RAC1: variants seen among roughly 807,000 people sequenced by gnomAD.
RAC1 encodes ras-related C3 botulinum toxin substrate 1.
Under a neutral mutation model 25.2 loss-of-function variants are expected in RAC1, and 2 were observed. The observed-to-expected ratio is 0.08, with a 90% confidence interval of 0.03 to 0.25. The LOEUF (loss-of-function observed/expected upper bound fraction) is 0.25. Among genes scored for constraint, RAC1 ranks in the 10% least tolerant of loss-of-function variants. The pLI is 1.00. For synonymous variants in RAC1, 88 were observed against 94.0 expected, an observed-to-expected ratio of 0.94 and a Z score of 0.37; for missense variants, 50 against 235.7, an observed-to-expected ratio of 0.21 and a Z score of 5.16.
intron 2 of RAC1, among the ~76,000 whole-genome samples, 170 bp from the exon 3 acceptor site, chr7:6,391,754 C>T (rs1012096456): frequency 1.2e-4 from 18 of 152,052 alleles, no homozygotes; most frequent in South Asian, 8.3e-4. Flanking sequence ...GTTTGTTTCC[C>T]GCAAGTTTTG....
At position 6,399,036 on chromosome 7, in the gene RAC1, G is replaced by T. The variant is rs144371745; in HGVS notation, c.226-1090G>T. 2.4e-4 allele frequency among the ~76,000 whole-genome samples: 37 copies of T among 152,286 alleles called. No homozygotes were observed. In the East Asian group the frequency reaches 6.4e-3, roughly 26 times the overall value. On this transcript the variant is annotated intron_variant, in intron 3 of 5. Coordinates refer to ENST00000348035, the MANE Select transcript of RAC1 (RefSeq NM_006908.5). ...CCGGAAGCCCACCTGGCTGTGAGCCGAGCCGGAGCAGGACTAACCTTGTTG... is the reference window on the plus strand; with the variant it reads ...CCGGAAGCCCACCTGGCTGTGAGCCTAGCCGGAGCAGGACTAACCTTGTTG...
In RAC1 at chr7:6,403,331, T is replaced by C. The variant is rs1783474272; in HGVS notation, c.*885T>C. 4.8e-6 allele frequency: 1 copy of C among 209,080 alleles called. No individual in the cohort carries two copies. The highest frequency in any genetic ancestry group is 9.7e-6 in the Non-Finnish European group (1 of 102,692). 13.0% of individuals were successfully genotyped at this position (209,080 alleles called of 1,614,324 possible). A position where few individuals can be genotyped will look rare whatever the true frequency, so the allele number is the denominator to read the frequency against. Reference sequence around the variant, plus strand: ...TTAAGCTTTTCCTTTCTCTTACACCTGCCATGCCTCCCCAAATTGGGCATT... The same window carrying C: ...TTAAGCTTTTCCTTTCTCTTACACCCGCCATGCCTCCCCAAATTGGGCATT... On this transcript the variant is annotated 3_prime_UTR_variant, in exon 6 of 6. Coordinates refer to ENST00000348035, the MANE Select transcript of RAC1 (RefSeq NM_006908.5).
chr7:6,400,998 C>A (rs1188538547), intron 4 of RAC1, among the ~76,000 whole-genome samples: 2 of 152,112 alleles, frequency 1.3e-5, no homozygotes, highest in Non-Finnish European at 2.9e-5. Context: ...GCACTGTCAT[C>A]CAAGCTGGAG....
At chr7:6,392,863 C>T (rs989498485) in intron 3 of RAC1, among the ~76,000 whole-genome samples, 1 of 152,232 alleles carries the variant, frequency 6.6e-6, no homozygotes, top group Non-Finnish European at 1.5e-5. Context: ...GCTTCATCCT[C>T]TCTCCAGTCT....
chr7:6,388,203 T>A (rs1782977433), intron 2 of RAC1, among the ~76,000 whole-genome samples: 1 of 152,080 alleles, frequency 6.6e-6, no homozygotes. Flanking sequence ...TGCACCATCC[T>A]GCAGCTGCTG....
chr7:6,398,551 C>G lies in RAC1; in HGVS notation c.226-1575C>G, dbSNP rs185272508. 2.2e-4 allele frequency: 186 copies of G among 856,298 alleles called. No homozygotes were observed. In the East Asian group the frequency reaches 4.9e-3, roughly 22 times the overall value. 53.0% of individuals were successfully genotyped at this position (856,298 alleles called of 1,614,324 possible). A position where few individuals can be genotyped will look rare whatever the true frequency, so the allele number is the denominator to read the frequency against. The stretch of plus-strand genomic sequence containing the variant: ...TAGAATCTATTGTATGCTTTTGGAT[C>G]TCTCCGGAGGGTTAAGACAAAATTC... On this transcript the variant is annotated intron_variant, in intron 3 of 5. Transcript: ENST00000348035.
intron 3 of RAC1, among the ~76,000 whole-genome samples, 199 bp downstream of exon 3, chr7:6,392,240 C>G (rs1783109741): frequency 6.6e-6 from 1 of 152,176 alleles, no homozygotes; most frequent in Non-Finnish European, 1.5e-5. Flanking sequence ...GCGTTACCAG[C>G]TGTTCCATTG....
intron 4 of RAC1, among the ~76,000 whole-genome samples, chr7:6,401,421 T>C (rs1210587712): frequency 6.6e-6 from 1 of 152,218 alleles, no homozygotes; most frequent in African/African-American, 2.4e-5. Flanking sequence ...GGCCCTTCAG[T>C]AGGGGCATTT....
intron 3 of RAC1, among the ~76,000 whole-genome samples, chr7:6,395,127 T>C (rs762711042): frequency 1.3e-5 from 2 of 152,130 alleles, no homozygotes; most frequent in African/African-American, 2.4e-5. Context: ...GTGCTGGGAT[T>C]ACAAATTTTG....
chr7:6,380,403 T>A (rs1053759273), intron 1 of RAC1, among the ~76,000 whole-genome samples: 3 of 152,172 alleles, frequency 2.0e-5, no homozygotes, highest in African/African-American at 7.2e-5. Context: ...TGTGTTTTAA[T>A]TTCAAATGAT....
rs33968872 is a variant in RAC1, at chr7:6,401,604, C to CG, written c.289-264_289-263insG. The CG allele has an allele frequency of 2.0e-4, 56 of 276,356 alleles. No homozygotes were observed. The East Asian group carries it at 2.7e-3, about 13-fold the overall frequency. 17.1% of individuals were successfully genotyped at this position (276,356 alleles called of 1,614,324 possible). ...CCTTTTGTTTCTCTTCCCTTCCCCC[C>CG]TTCCCCTGCGGTTGTAGAGCCCGTT... is the stretch of plus-strand genomic sequence containing the variant. On this transcript the variant is annotated intron_variant, in intron 4 of 5. Transcript: ENST00000348035.
At chr7:6,392,456 T>G (rs1262606697) in intron 3 of RAC1, among the ~76,000 whole-genome samples, 2 of 152,326 alleles carry the variant, frequency 1.3e-5, no homozygotes, top group African/African-American at 4.8e-5. Flanking sequence ...TTAATACATT[T>G]TTTCCCACAA....
chr7:6,397,036 CAAAAAA>C (rs151105670), intron 3 of RAC1, among the ~76,000 whole-genome samples: 10 of 80,216 alleles, frequency 1.2e-4, no homozygotes, highest in South Asian at 5.0e-4. Context: ...CTCTCAAAAA[CAAAAAA>C]AAAAAAAAAA....
chr7:6,384,486 T>A (rs886652123), intron 1 of RAC1, among the ~76,000 whole-genome samples: 7 of 152,178 alleles, frequency 4.6e-5, no homozygotes, highest in African/African-American at 7.2e-5. Context: ...CCCACTTATT[T>A]TTTTATTGTT....
At chr7:6,378,852 C>T (rs181682657) in intron 1 of RAC1, among the ~76,000 whole-genome samples, 31 of 152,224 alleles carry the variant, frequency 2.0e-4, no homozygotes, top group African/African-American at 7.2e-4. Flanking sequence ...CTTTGGGAGG[C>T]CAAGGCAGGC....
At chr7:6,400,248 C>A in intron 4 of RAC1, 60 bp downstream of exon 4, 1 of 1,437,692 alleles carries the variant, frequency 7.0e-7, no homozygotes, top group East Asian at 2.3e-5. Context: ...GAAATAAATA[C>A]TTTAAAATAT....
intron 5 of RAC1, 96 bp from the exon 6 acceptor site, chr7:6,402,220 A>T: frequency 6.6e-7 from 1 of 1,507,574 alleles, no homozygotes; most frequent in Non-Finnish European, 8.9e-7. Flanking sequence ...GAGCCGGCAG[A>T]AGGCGCCCGG....
chr7:6,394,580 A>G (rs889248309), intron 3 of RAC1, among the ~76,000 whole-genome samples: 4 of 152,186 alleles, frequency 2.6e-5, no homozygotes, highest in Non-Finnish European at 4.4e-5. Context: ...CAGGCTGTGC[A>G]GCGGGTTCGC....
At chr7:6,377,402 T>A (rs1299362681) in intron 1 of RAC1, among the ~76,000 whole-genome samples, 1 of 152,014 alleles carries the variant, frequency 6.6e-6, no homozygotes, top group East Asian at 1.9e-4. Flanking sequence ...AAGACCAGCC[T>A]GGGCAACATG....
Sources: allele counts gnomAD v4.1 joint callset (sites outside exome capture counted in the v4.1 genomes callset), GRCh38; gene constraint gnomAD v4.1.1; transcripts MANE v1.5; gene names NCBI Gene and HGNC (gene_info 2026-07-23, HGNC 2026-07-21).